AFG2A: variants seen among roughly 807,000 people sequenced by gnomAD.
AFG2A encodes AAA ATPase AFG2A, also known as ATPase family gene 2 protein homolog A.
At chr4:123,166,727 G>A in the AFG2A span, among the ~76,000 whole-genome samples, 1 of 152,100 alleles carries the variant, frequency 6.6e-6, no homozygotes, top group East Asian at 1.9e-4. Flanking sequence ...TTAATTTTCG[G>A]TTCCTTGAAC....
At chr4:123,090,432 GC>G in the AFG2A span, 6 of 783,840 alleles carry the variant, frequency 7.7e-6, no homozygotes, top group South Asian at 1.7e-4. Flanking sequence ...ATATGATAAT[GC>G]AGTAAATAAA....
chr4:123,133,371 G>C, the AFG2A span, among the ~76,000 whole-genome samples: 1 of 152,154 alleles, frequency 6.6e-6, no homozygotes, highest in Non-Finnish European at 1.5e-5. Flanking sequence ...TTGTGCATCT[G>C]GCTAGCTGTC....
At chr4:123,286,971 T>G in the AFG2A span, among the ~76,000 whole-genome samples, 2 of 152,152 alleles carry the variant, frequency 1.3e-5, no homozygotes, top group Non-Finnish European at 2.9e-5. Context: ...AAAGCCTTTA[T>G]GGATCACCAG....
At chr4:122,933,997 T>C in the AFG2A span, 1 of 1,313,616 alleles carries the variant, frequency 7.6e-7, no homozygotes. Context: ...CTGTCTTTGA[T>C]TTAGTCTTTT....
chr4:123,313,039 T>G, the AFG2A span, among the ~76,000 whole-genome samples: 1 of 152,290 alleles, frequency 6.6e-6, no homozygotes, highest in Non-Finnish European at 1.5e-5. Context: ...AATCACAATA[T>G]CTCTTTTCAT....
chr4:122,949,164 C>A, the AFG2A span, among the ~76,000 whole-genome samples: 1 of 152,140 alleles, frequency 6.6e-6, no homozygotes, highest in Non-Finnish European at 1.5e-5. Flanking sequence ...CCATAGGTTC[C>A]GCCCTTGTGG....
At chr4:122,995,050 T>A in the AFG2A span, among the ~76,000 whole-genome samples, 1 of 152,096 alleles carries the variant, frequency 6.6e-6, no homozygotes, top group East Asian at 1.9e-4. Context: ...GGTGCAAAGG[T>A]TTGAGTGAAG....
At chr4:122,933,442 C>T in the AFG2A span, 12 of 1,611,876 alleles carry the variant, frequency 7.4e-6, no homozygotes, top group Non-Finnish European at 1.0e-5. Flanking sequence ...TTTACAGTGA[C>T]AAAGATATGG....
the AFG2A span, among the ~76,000 whole-genome samples, chr4:123,010,390 T>C: frequency 1.3e-5 from 1 of 77,674 alleles, no homozygotes; most frequent in Admixed American, 1.5e-4. Flanking sequence ...TATTAGTGTA[T>C]GTTTTAATGT....
chr4:123,113,805 C>T, the AFG2A span, among the ~76,000 whole-genome samples: 1 of 152,004 alleles, frequency 6.6e-6, no homozygotes, highest in Non-Finnish European at 1.5e-5. Flanking sequence ...GGAGGGTGAG[C>T]AAGACAAAGA....
the AFG2A span, among the ~76,000 whole-genome samples, chr4:123,259,318 A>G: frequency 6.6e-6 from 1 of 152,274 alleles, no homozygotes; most frequent in African/African-American, 2.4e-5. Context: ...AAGTTACTCC[A>G]TTTTTCCTTC....
At chr4:123,176,611 C>G in the AFG2A span, among the ~76,000 whole-genome samples, 120,863 of 152,096 alleles carry the variant, frequency 0.79, 48,712 homozygotes, top group Non-Finnish European at 0.85. Flanking sequence ...TGTGGTCGGA[C>G]GGAAGGGGCC....
At chr4:123,179,688 C>T in the AFG2A span, among the ~76,000 whole-genome samples, 1 of 152,118 alleles carries the variant, frequency 6.6e-6, no homozygotes, top group Admixed American at 6.5e-5. Flanking sequence ...TTAAGTGGGA[C>T]TTTATTTAAT....
the AFG2A span, among the ~76,000 whole-genome samples, chr4:123,182,772 CAGTT>C: frequency 7.9e-5 from 12 of 152,138 alleles, no homozygotes; most frequent in Non-Finnish European, 1.2e-4. Flanking sequence ...CTTCTTCCCT[CAGTT>C]AGTTATTTCC....
chr4:123,279,108 A>G, the AFG2A span, among the ~76,000 whole-genome samples: 16 of 152,176 alleles, frequency 1.1e-4, no homozygotes, highest in African/African-American at 3.9e-4. Flanking sequence ...CTTCATCTCT[A>G]CTTGAAAAAT....
chr4:123,074,095 A>ATTTTTTTTTTTTT, the AFG2A span, among the ~76,000 whole-genome samples: 48 of 102,038 alleles, frequency 4.7e-4, 3 homozygotes, highest in Non-Finnish European at 6.3e-4. Context: ...CTCAGATAGT[A>ATTTTTTTTTTTTT]TTTTTTTTTT....
At chr4:122,985,374 C>T in the AFG2A span, among the ~76,000 whole-genome samples, 14 of 152,242 alleles carry the variant, frequency 9.2e-5, no homozygotes, top group East Asian at 3.9e-4. Flanking sequence ...AGTGATCCAC[C>T]GGCCTCGGCC....
At chr4:123,136,964 A>G in the AFG2A span, among the ~76,000 whole-genome samples, 2 of 152,038 alleles carry the variant, frequency 1.3e-5, no homozygotes, top group Non-Finnish European at 2.9e-5. Context: ...GTGAAAGACA[A>G]TTTTTCCACA....
chr4:123,187,938 C>T, the AFG2A span, among the ~76,000 whole-genome samples: 10 of 149,924 alleles, frequency 6.7e-5, no homozygotes, highest in Non-Finnish European at 5.9e-5. Flanking sequence ...GTTGAGGCTG[C>T]AGTGAGCCAT....
Sources: allele counts gnomAD v4.1 joint callset (sites outside exome capture counted in the v4.1 genomes callset), GRCh38; gene constraint gnomAD v4.1.1; transcripts MANE v1.5; gene names NCBI Gene and HGNC (gene_info 2026-07-23, HGNC 2026-07-21).